Variants in SLC25A21 observed in about 807,000 individuals in gnomAD.
SLC25A21 encodes solute carrier family 25 member 21.
SLC25A21 carries 47 observed loss-of-function variants against 43.8 expected under a neutral mutation model. The observed-to-expected ratio is 1.07, with a 90% CI of 0.85 to 1.37. The LOEUF (loss-of-function observed/expected upper bound fraction) is 1.37. Ranked by LOEUF, SLC25A21 falls within the 40% of genes most tolerant of loss-of-function variation. The pLI, the probability that SLC25A21 is intolerant of heterozygous loss-of-function variation, is 0.00. For missense variants in SLC25A21, 352 were observed against 350.2 expected (o/e 1.00, Z -0.04); for synonymous variants, 131 against 121.3 (o/e 1.08, Z -0.52).
intron 1 of SLC25A21, among the ~76,000 whole-genome samples, chr14:36,942,195 T>C (rs997178542): frequency 1.3e-5 from 2 of 152,190 alleles, no homozygotes; most frequent in African/African-American, 4.8e-5. Flanking sequence ...TTAAATTCAT[T>C]ATACCTTCAA....
chr14:37,055,589 C>T (rs1471448385), intron 1 of SLC25A21, among the ~76,000 whole-genome samples: 1 of 152,138 alleles, frequency 6.6e-6, no homozygotes, highest in Non-Finnish European at 1.5e-5. Flanking sequence ...AGCTGCCGAA[C>T]ATGGAAGTCC....
intron 1 of SLC25A21, among the ~76,000 whole-genome samples, chr14:36,880,022 G>A (rs1422688048): frequency 6.6e-6 from 1 of 152,080 alleles, no homozygotes; most frequent in Non-Finnish European, 1.5e-5. Context: ...AAATCCTGGG[G>A]CAAAGATGGT....
At chr14:37,094,896 T>A (rs1962656784) in intron 1 of SLC25A21, among the ~76,000 whole-genome samples, 1 of 152,188 alleles carries the variant, frequency 6.6e-6, no homozygotes, top group Middle Eastern at 3.2e-3. Flanking sequence ...TTGTACAACA[T>A]GGTGGCTATA....
At chr14:37,100,553 T>C (rs1962797731) in intron 1 of SLC25A21, among the ~76,000 whole-genome samples, 1 of 152,252 alleles carries the variant, frequency 6.6e-6, no homozygotes, top group African/African-American at 2.4e-5. Context: ...GGTAGAAATG[T>C]AATTCATTGG....
In SLC25A21 at chr14:36,734,190, G is replaced by C. The variant is rs143539961; in HGVS notation, c.270+317C>G. On this transcript the variant is annotated intron_variant, in intron 4 of 9. Transcript: ENST00000331299. The stretch of plus-strand genomic sequence containing the variant: ...TTTCTTTAATAATTGTTTCTCCAAA[G>C]AAAAATTTCTGAGTTGCTTTGAAGA... Among the ~76,000 whole-genome samples the C allele has an allele frequency of 8.3e-4, 126 of 151,998 alleles. No individual in the cohort carries two copies. In the Middle Eastern group the frequency reaches 0.017, roughly 21 times the overall value.
In SLC25A21 at chr14:37,085,896, G is replaced by A. The variant is rs567377231; in HGVS notation, c.70+86385C>T. 7.4e-4 allele frequency among the ~76,000 whole-genome samples: 112 copies of A among 152,270 alleles called. 1 individual carries two copies. The highest frequency in any genetic ancestry group is 2.6e-3 in the African/African-American group (110 of 41,556). ...CGAGGCAGGCAGATCACGAGGTCAG[G>A]AGATCGAGACCATCCTGGCTAACAC... On this transcript the variant is annotated intron_variant, in intron 1 of 9. Transcript: ENST00000331299.
intron 1 of SLC25A21, among the ~76,000 whole-genome samples, chr14:36,954,690 CAA>C (rs1199580529): frequency 6.6e-6 from 1 of 151,988 alleles, no homozygotes; most frequent in South Asian, 2.1e-4. Context: ...TGTCACCACA[CAA>C]AAAAATGATA....
intron 1 of SLC25A21, among the ~76,000 whole-genome samples, chr14:36,933,030 G>A (rs1374687657): frequency 6.6e-6 from 1 of 152,092 alleles, no homozygotes. Flanking sequence ...TCACATTAAA[G>A]TCAAAAGCCT....
chr14:37,137,636 T>C (rs962636897), intron 1 of SLC25A21, among the ~76,000 whole-genome samples: 1 of 152,192 alleles, frequency 6.6e-6, no homozygotes, highest in African/African-American at 2.4e-5. Flanking sequence ...CATTACTACA[T>C]TGTAGGATCA....
At chr14:37,121,575 G>T (rs192949221) in intron 1 of SLC25A21, among the ~76,000 whole-genome samples, 96 of 152,196 alleles carry the variant, frequency 6.3e-4, no homozygotes, top group African/African-American at 2.0e-3. Context: ...ATCACTTGAG[G>T]CCAAGAGTTT....
intron 1 of SLC25A21, among the ~76,000 whole-genome samples, chr14:36,939,881 A>G (rs2138647549): frequency 6.6e-6 from 1 of 152,284 alleles, no homozygotes; most frequent in Non-Finnish European, 1.5e-5. Context: ...ATGTGAACTC[A>G]CAGAAATAAG....
At chr14:36,705,950 A>G (rs1162702805) in intron 7 of SLC25A21, among the ~76,000 whole-genome samples, 1 of 152,184 alleles carries the variant, frequency 6.6e-6, no homozygotes, top group Non-Finnish European at 1.5e-5. Flanking sequence ...TAACAACTTG[A>G]TGACGTTCTT....
intron 2 of SLC25A21, among the ~76,000 whole-genome samples, chr14:36,858,281 C>T (rs1274777671): frequency 2.0e-5 from 3 of 152,132 alleles, no homozygotes; most frequent in Non-Finnish European, 2.9e-5. Flanking sequence ...TATGCACTGG[C>T]CAAAGAATTG....
At chr14:36,686,171 A>G (rs569049750) in intron 7 of SLC25A21, among the ~76,000 whole-genome samples, 3 of 152,334 alleles carry the variant, frequency 2.0e-5, no homozygotes, top group African/African-American at 7.2e-5. Context: ...AGTTACCATC[A>G]CAGAAACTCC....
At chr14:36,967,099 G>C (rs1052472097) in intron 1 of SLC25A21, among the ~76,000 whole-genome samples, 2 of 152,220 alleles carry the variant, frequency 1.3e-5, no homozygotes, top group African/African-American at 4.8e-5. Flanking sequence ...TTTGAATGGT[G>C]AATTAATTTT....
chr14:37,072,996 G>A (rs546081071), intron 1 of SLC25A21, among the ~76,000 whole-genome samples: 52 of 152,200 alleles, frequency 3.4e-4, no homozygotes, highest in African/African-American at 1.1e-3. Flanking sequence ...TCTTTATCTT[G>A]GTTCCTAGAT....
intron 3 of SLC25A21, among the ~76,000 whole-genome samples, chr14:36,749,660 C>T (rs1885629426): frequency 6.6e-6 from 1 of 152,160 alleles, no homozygotes; most frequent in Admixed American, 6.5e-5. Context: ...CCCTCTCCAA[C>T]CCCACTGGCC....
chr14:36,901,879 T>A (rs1436859563), intron 1 of SLC25A21, among the ~76,000 whole-genome samples: 1 of 152,254 alleles, frequency 6.6e-6, no homozygotes, highest in Admixed American at 6.5e-5. Flanking sequence ...CTTAAGTTTC[T>A]GCATCAAATG....
In SLC25A21 at chr14:36,822,223, A is replaced by T. The variant is rs77691541; in HGVS notation, c.120-8222T>A. On this transcript the variant is annotated intron_variant, in intron 2 of 9. Coordinates refer to ENST00000331299, the MANE Select transcript of SLC25A21 (RefSeq NM_030631.4). The stretch of plus-strand genomic sequence containing the variant: ...CACATTCTAGGCCTGGCATCAATTA[A>T]CACTCCAAAATAATGCTAACAAGTC... Among the ~76,000 whole-genome samples, 446 of 152,362 alleles carry T rather than the reference A, an allele frequency of 2.9e-3. 2 individuals carry two copies. Among genetic ancestry groups the T allele is most frequent in the African/African-American group, 0.01 (431 of 41,594 alleles).
Sources: gnomAD v4.1 joint callset for allele counts (sites outside exome capture counted in the v4.1 genomes callset) on GRCh38, gnomAD v4.1.1 for gene constraint, MANE v1.5 for transcripts, NCBI Gene and HGNC (gene_info 2026-07-23, HGNC 2026-07-21) for gene names.